The following SDHA variants were observed in gnomAD, a reference collection of about 807,000 sequenced individuals.
SDHA encodes the protein succinate dehydrogenase [ubiquinone] flavoprotein subunit, mitochondrial.
In SDHA, 48 loss-of-function variants were observed where a neutral mutation model predicts 78.4. The observed-to-expected ratio is 0.61, with a 90% CI of 0.49 to 0.78. The LOEUF is 0.78. Ranked by LOEUF, SDHA falls within the 30% of genes least tolerant of loss-of-function variation. SDHA has a pLI of 0.00. For missense variants in SDHA, 680 were observed against 892.7 expected, an observed-to-expected ratio of 0.76 and a Z score of 3.04; for synonymous variants, 326 against 353.9, an observed-to-expected ratio of 0.92 and a Z score of 0.88.
chr5:237,469 G>T (rs1385496597), intron 10 of SDHA, among the ~76,000 whole-genome samples: 1 of 132,714 alleles, frequency 7.5e-6, no homozygotes, highest in East Asian at 2.0e-4. Context: ...GAAATACCAT[G>T]TGTGGGAGTG....
the SDHA span, among the ~76,000 whole-genome samples, chr5:268,705 A>T: frequency 6.6e-6 from 1 of 152,188 alleles, no homozygotes; most frequent in African/African-American, 2.4e-5. Context: ...TTTAAATATT[A>T]TAAGGGTGGA....
downstream of SDHA, among the ~76,000 whole-genome samples, chr5:259,005 T>G (rs1579453506): frequency 2.5e-5 from 1 of 40,110 alleles, no homozygotes; most frequent in South Asian, 1.1e-3. Context: ...AGCATTACCG[T>G]GTGAGCTCCG....
intron 6 of SDHA, 56 bp from the exon 7 acceptor site, chr5:230,820 A>G (rs1579396807): frequency 6.2e-7 from 1 of 1,611,882 alleles, no homozygotes; most frequent in Non-Finnish European, 8.5e-7. Context: ...ATCTCACCAG[A>G]TAGGAGGTCC....
Position 225,916 on chromosome 5 carries a change from G to A in SDHA, c.490G>A (p.Glu164Lys). 6.2e-7 allele frequency: 1 copy of A among 1,613,502 alleles called. No homozygotes were observed. Among genetic ancestry groups the A allele is most frequent in the Non-Finnish European group, 8.5e-7 (1 of 1,180,000 alleles). Reference protein sequence around the residue: ...ENYGMPFSRTEDGKIYQRAFG... With the variant: ...ENYGMPFSRTKDGKIYQRAFG... ...TTATGGCATGCCGTTTAGCAGAACT[G>A]AAGATGGGAAGATTTATCAGCGTGC... The change falls in exon 5 of 15, where the codon GAA becomes AAA. Residue 164 changes from glutamate to lysine, a missense_variant. Physicochemically the swap from Glu to Lys is moderately conservative, Grantham distance 56. Transcript: ENST00000264932.
At position 251,092 on chromosome 5, in the gene SDHA, C is replaced by T. The variant is rs181238392; in HGVS notation, c.1652C>T (p.Thr551Met). 24 of 1,611,872 alleles carry T rather than the reference C, an allele frequency of 1.5e-5. No homozygotes were observed. The highest frequency in any genetic ancestry group is 4.5e-4 in the Middle Eastern group (2 of 4,430). Residue 551 changes from threonine to methionine, a missense_variant, in exon 12 of 15, where the codon ACG becomes ATG. Coordinates refer to ENST00000264932, the MANE Select transcript of SDHA (RefSeq NM_004168.4). ...TATGGAGACCTAAAGCACCTGAAGA[C>T]GTTCGACCGGGGTGAGCAGACAGTG... ...KLYGDLKHLKTFDRGMVWNTD... is the reference protein window; with the variant it reads ...KLYGDLKHLKMFDRGMVWNTD...
At chr5:231,782 C>T (rs937839902) in intron 7 of SDHA, among the ~76,000 whole-genome samples, 1 of 151,502 alleles carries the variant, frequency 6.6e-6, no homozygotes, top group African/African-American at 2.4e-5. Context: ...TGTAGGAGAA[C>T]ACGGAGCTTC....
chr5:237,904 A>G (rs1260739912), intron 10 of SDHA, among the ~76,000 whole-genome samples: 6 of 136,240 alleles, frequency 4.4e-5, no homozygotes, highest in Non-Finnish European at 4.5e-5. Context: ...ATTGGTGATC[A>G]TCGGCGAAGG....
rs1236954961 is a variant in SDHA, at chr5:237,551, C to G, written c.1432+952C>G. 3.7e-5 allele frequency among the ~76,000 whole-genome samples: 5 copies of G among 134,140 alleles called. 1 individual carries two copies. The highest frequency in any genetic ancestry group is 7.3e-5 in the African/African-American group (2 of 27,504). 88.0% of individuals were successfully genotyped at this position (134,140 alleles called of 152,430 possible). ...CTCCAGACATCCTCACGGTGGTTAT[C>G]CAGCCTCGTGTGCTCAGAACAGTGT... is the stretch of plus-strand genomic sequence containing the variant. On this transcript the variant is annotated intron_variant, in intron 10 of 14. Transcript: ENST00000264932.
At chr5:229,251 C>T (rs1735233984) in intron 6 of SDHA, among the ~76,000 whole-genome samples, 1 of 152,182 alleles carries the variant, frequency 6.6e-6, no homozygotes, top group African/African-American at 2.4e-5. Flanking sequence ...CCAGCAACCC[C>T]ATTTCTGGGT....
Position 225,343 on chromosome 5 carries a change from A to C in SDHA, c.313-76A>C, listed in dbSNP as rs530954561. 1.9e-6 allele frequency: 3 copies of C among 1,579,662 alleles called. No homozygotes were observed. In the Admixed American group the frequency reaches 5.0e-5, roughly 26 times the overall value. On this transcript the variant is annotated intron_variant, in intron 3 of 14. Coordinates refer to ENST00000264932, the MANE Select transcript of SDHA (RefSeq NM_004168.4). ...TAGTTGGCTTTCTCTGAATCCCCCC[A>C]GCGGGTGGATTTGGGCCTGGAAGAC...
rs1376824800 is a variant in SDHA at position 256,852 on chromosome 5, G to A, written c.*432G>A. 2.9e-5 allele frequency among the ~76,000 whole-genome samples: 4 copies of A among 138,200 alleles called. No homozygotes were observed. Among genetic ancestry groups the A allele is most frequent in the South Asian group, 2.2e-4 (1 of 4,582 alleles). The allele number at this position is 138,200 out of a possible 152,430, so 90.7% of individuals were successfully genotyped here. ...TCTTTTTTTTTTTTGAGACAGGATCGGTGCAGTAGTACAATCACAGCTCAC... is the reference window on the plus strand; with the variant it reads ...TCTTTTTTTTTTTTGAGACAGGATCAGTGCAGTAGTACAATCACAGCTCAC... On this transcript the variant is annotated 3_prime_UTR_variant, in exon 15 of 15. Coordinates refer to ENST00000264932, the MANE Select transcript of SDHA (RefSeq NM_004168.4).
chr5:233,790 G>A (rs1735583473), intron 8 of SDHA, 145 bp downstream of exon 8: 1 of 787,350 alleles, frequency 1.3e-6, no homozygotes, highest in South Asian at 1.5e-5. Context: ...GCGTCTGTTA[G>A]TCTGCGATAT....
intron 3 of SDHA, chr5:224,736 C>T: frequency 5.1e-6 from 3 of 591,558 alleles, no homozygotes; most frequent in Non-Finnish European, 9.1e-6. Context: ...CTAATTCAGA[C>T]TCCAGTCACA....
the SDHA span, among the ~76,000 whole-genome samples, chr5:262,483 G>C: frequency 6.6e-6 from 1 of 151,902 alleles, no homozygotes; most frequent in South Asian, 2.1e-4. Context: ...CATAGGAGTG[G>C]AACCCTGTTG....
At chr5:250,221 A>C (rs1221096099) in intron 11 of SDHA, 1 of 152,926 alleles carries the variant, frequency 6.5e-6, no homozygotes, top group East Asian at 1.9e-4. Context: ...TGTCCAAATT[A>C]AACCATGAAG....
intron 11 of SDHA, among the ~76,000 whole-genome samples, chr5:245,697 A>G (rs185852161): frequency 9.7e-4 from 148 of 152,380 alleles, no homozygotes; most frequent in African/African-American, 3.3e-3. Context: ...GAACCTTAGT[A>G]AATGACATTA....
intron 1 of SDHA, among the ~76,000 whole-genome samples, chr5:223,000 C>T (rs749108494): frequency 6.6e-6 from 1 of 152,196 alleles, no homozygotes; most frequent in Non-Finnish European, 1.5e-5. Context: ...TCTCCTGATT[C>T]AATGTTGAGT....
At chr5:265,742 C>G in the SDHA span, among the ~76,000 whole-genome samples, 1 of 151,876 alleles carries the variant, frequency 6.6e-6, no homozygotes, top group Non-Finnish European at 1.5e-5. Context: ...GTTGCTTGAA[C>G]CCGGGAGGCG....
the SDHA span, among the ~76,000 whole-genome samples, chr5:263,991 G>T: frequency 2.0e-5 from 3 of 147,046 alleles, no homozygotes; most frequent in Non-Finnish European, 1.5e-5. Context: ...ATCAGTAGGG[G>T]ATTAGGAACA....
Sources: gnomAD v4.1 joint callset for allele counts (sites outside exome capture counted in the v4.1 genomes callset) on GRCh38, gnomAD v4.1.1 for gene constraint, MANE v1.5 for transcripts, NCBI Gene and HGNC (gene_info 2026-07-23, HGNC 2026-07-21) for gene names.